The following DPY19L4 variants were observed in gnomAD, a reference collection of about 807,000 sequenced individuals.
DPY19L4 encodes the protein probable C-mannosyltransferase DPY19L4.
In DPY19L4, 97 loss-of-function variants were observed where a neutral mutation model predicts 102.8. That is an observed-to-expected ratio of 0.94 (90% CI 0.80 to 1.12). The LOEUF (loss-of-function observed/expected upper bound fraction) is 1.12, where lower values mean the gene tolerates loss of function less well. Among genes scored for constraint, DPY19L4 ranks in the 50% most tolerant of loss-of-function variants. DPY19L4 has a pLI of 0.00. For missense variants in DPY19L4, 815 were observed against 850.4 expected, an observed-to-expected ratio of 0.96 and a Z score of 0.52; for synonymous variants, 252 against 283.1, an observed-to-expected ratio of 0.89 and a Z score of 1.10.
At chr8:94,745,346 A>AG (rs11464987) in intron 6 of DPY19L4, among the ~76,000 whole-genome samples, 69,371 of 151,956 alleles carry the variant, frequency 0.46, 18,034 homozygotes, top group African/African-American at 0.73. Context: ...CTTGTTCCCC[A>AG]TGATCTTCTC....
intron 3 of DPY19L4, among the ~76,000 whole-genome samples, chr8:94,735,645 C>G (rs570753281): frequency 1.1e-4 from 17 of 152,254 alleles, no homozygotes; most frequent in African/African-American, 3.9e-4. Context: ...GTTGTATAGG[C>G]AGAACTGAGA....
At chr8:94,745,246 A>C (rs2130834379) in intron 6 of DPY19L4, among the ~76,000 whole-genome samples, 1 of 152,268 alleles carries the variant, frequency 6.6e-6, no homozygotes, top group South Asian at 2.1e-4. Context: ...TAGGGGGAAA[A>C]AATCAGAGGT....
intron 8 of DPY19L4, 71 bp from the exon 9 acceptor site, chr8:94,765,110 CTA>C (rs1812610346): frequency 4.6e-6 from 5 of 1,081,672 alleles, no homozygotes; most frequent in Non-Finnish European, 6.5e-6. Context: ...ATAGTTAAAT[CTA>C]TATAAAACAA....
At chr8:94,735,792 GA>G (rs564570516) in intron 3 of DPY19L4, among the ~76,000 whole-genome samples, 68 of 152,248 alleles carry the variant, frequency 4.5e-4, no homozygotes, top group Non-Finnish European at 8.5e-4. Flanking sequence ...TTTAAAATCC[GA>G]ATCTACAGTT....
chr8:94,751,926 T>G (rs7387701), intron 6 of DPY19L4, among the ~76,000 whole-genome samples: 66,724 of 151,948 alleles, frequency 0.44, 16,259 homozygotes, highest in African/African-American at 0.67. Flanking sequence ...ATGTATGTTG[T>G]TTATATTAAT....
chr8:94,744,164 T>C (rs1811567257), intron 6 of DPY19L4, among the ~76,000 whole-genome samples: 1 of 152,202 alleles, frequency 6.6e-6, no homozygotes, highest in East Asian at 1.9e-4. Flanking sequence ...TGGTTCTAGC[T>C]CAGGGTCTCT....
intron 13 of DPY19L4, among the ~76,000 whole-genome samples, chr8:94,772,437 CAG>C (rs1812975516): frequency 6.6e-6 from 1 of 152,234 alleles, no homozygotes; most frequent in Non-Finnish European, 1.5e-5. Context: ...TGAAAAGACA[CAG>C]ATTAAAATCA....
At chr8:94,722,037 A>G (rs1196430872) in intron 1 of DPY19L4, among the ~76,000 whole-genome samples, 1 of 152,186 alleles carries the variant, frequency 6.6e-6, no homozygotes, top group African/African-American at 2.4e-5. Context: ...TGAACCCGGG[A>G]GGCGGAGGTT....
rs1813250611 is a variant in DPY19L4, at chr8:94,777,740, C to T, written c.1529C>T (p.Thr510Ile). The T allele has an allele frequency of 1.2e-6, 2 of 1,614,006 alleles. No individual in the cohort carries two copies. The highest frequency in any genetic ancestry group is 4.5e-5 in the East Asian group (2 of 44,852). Residue 510 changes from threonine to isoleucine, a missense_variant, in exon 14 of 19, where the codon ACA (threonine) becomes ATA (isoleucine). Coordinates refer to ENST00000414645, the MANE Select transcript of DPY19L4 (RefSeq NM_181787.3). ...GTATGTTCTCCCGAACTTTGGATGA[C>T]ACTTTTCAAGTGGCTTCGATTAAGA... Reference protein sequence around the residue: ...FGVCSPELWMTLFKWLRLRTV... With the variant: ...FGVCSPELWMILFKWLRLRTV...
At chr8:94,773,747 A>G (rs1440573198) in intron 13 of DPY19L4, among the ~76,000 whole-genome samples, 8 of 151,680 alleles carry the variant, frequency 5.3e-5, no homozygotes, top group African/African-American at 1.4e-4. Context: ...TGTGTTTTTG[A>G]GAGACAGGCT....
intron 1 of DPY19L4, among the ~76,000 whole-genome samples, chr8:94,723,210 C>T (rs892404940): frequency 2.6e-5 from 4 of 152,184 alleles, no homozygotes; most frequent in Non-Finnish European, 4.4e-5. Flanking sequence ...TGGTGGCTCA[C>T]GCCTGTAATC....
intron 6 of DPY19L4, among the ~76,000 whole-genome samples, chr8:94,741,938 TG>T (rs559776482): frequency 2.3e-3 from 356 of 152,372 alleles, no homozygotes; most frequent in Non-Finnish European, 4.3e-3. Context: ...GATGATTTTT[TG>T]TTATGTCAGA....
At chr8:94,781,050 T>A in intron 15 of DPY19L4, 34 bp from the exon 16 acceptor site, 1 of 1,426,254 alleles carries the variant, frequency 7.0e-7, no homozygotes, top group Non-Finnish European at 9.4e-7. Context: ...CATACATCTT[T>A]TGGGGATTTT....
At chr8:94,763,680 C>T (rs923059212) in intron 8 of DPY19L4, among the ~76,000 whole-genome samples, 4 of 151,504 alleles carry the variant, frequency 2.6e-5, no homozygotes, top group South Asian at 4.2e-4. Flanking sequence ...CCCACCACAC[C>T]GGGCTCATTT....
chr8:94,780,338 C>T, intron 14 of DPY19L4, 21 bp from the exon 15 acceptor site: 2 of 1,447,346 alleles, frequency 1.4e-6, no homozygotes, highest in Non-Finnish European at 1.8e-6. Context: ...ATTTGTAATC[C>T]TTTTTGCTTT....
intron 6 of DPY19L4, among the ~76,000 whole-genome samples, chr8:94,754,376 A>G (rs756725070): frequency 6.6e-6 from 1 of 152,026 alleles, no homozygotes; most frequent in African/African-American, 2.4e-5. Context: ...GGTTGGATTT[A>G]TTGCTGTTGC....
At chr8:94,753,151 T>C (rs1812021462) in intron 6 of DPY19L4, among the ~76,000 whole-genome samples, 1 of 152,244 alleles carries the variant, frequency 6.6e-6, no homozygotes, top group Admixed American at 6.5e-5. Context: ...TATAGGTGTT[T>C]TAAGATTTTT....
intron 13 of DPY19L4, among the ~76,000 whole-genome samples, chr8:94,774,670 T>C (rs1212541017): frequency 6.6e-6 from 1 of 151,350 alleles, no homozygotes; most frequent in Non-Finnish European, 1.5e-5. Context: ...CTCCACCTCC[T>C]GGATTCAAGC....
chr8:94,776,026 C>CTTTTTTT (rs1165180641), intron 13 of DPY19L4, among the ~76,000 whole-genome samples: 155 of 81,524 alleles, frequency 1.9e-3, no homozygotes, highest in African/African-American at 2.5e-3. Context: ...ATTTTTAAAT[C>CTTTTTTT]TTTTTTTTTT....
Sources: gnomAD v4.1 joint callset for allele counts (sites outside exome capture counted in the v4.1 genomes callset) on GRCh38, gnomAD v4.1.1 for gene constraint, MANE v1.5 for transcripts, NCBI Gene and HGNC (gene_info 2026-07-23, HGNC 2026-07-21) for gene names.